ABCC5: variants seen among roughly 807,000 people sequenced by gnomAD.
ABCC5 encodes the protein ATP-binding cassette sub-family C member 5.
ABCC5 carries 61 observed loss-of-function variants against 160.9 expected under a neutral mutation model. The ratio of observed to expected loss-of-function variants is 0.38; its 90% CI spans 0.31 to 0.47. The LOEUF is 0.47. Ranked by LOEUF, ABCC5 falls within the 20% of genes least tolerant of loss-of-function variation. ABCC5 has a pLI of 0.99. For missense variants in ABCC5, 1,308 were observed against 1,813.3 expected, an observed-to-expected ratio of 0.72 and a Z score of 5.06; for synonymous variants, 666 against 700.6, an observed-to-expected ratio of 0.95 and a Z score of 0.78.
intron 2 of ABCC5, among the ~76,000 whole-genome samples, chr3:184,011,642 G>A (rs1012231616): frequency 6.6e-6 from 1 of 152,150 alleles, no homozygotes; most frequent in African/African-American, 2.4e-5. Flanking sequence ...AACTGGAAAT[G>A]ACCCATATGT....
Position 183,982,646 on chromosome 3 carries a change from GAGGGGACCCTGCA to G in ABCC5, c.826-35_826-23del. 6.2e-7 allele frequency: 1 copy of G among 1,613,296 alleles called. No homozygotes were observed. The highest frequency in any genetic ancestry group is 8.5e-7 in the Non-Finnish European group (1 of 1,179,402). On this transcript the variant is annotated intron_variant, in intron 6 of 29. Transcript: ENST00000334444. The surrounding 1 kb of genome is among the most constrained non-coding windows in gnomAD (Gnocchi z 5.2). ...TGAGCTATAAGATACAAAGAGTAGT[GAGGGGACCCTGCA>G]AGGACACGGTTCATTTGTCTCAGGA...
In ABCC5 at chr3:183,927,954, G is replaced by A. The variant is rs980836243; in HGVS notation, c.3934-511C>T. The A allele has an allele frequency of 3.9e-5, 15 of 382,558 alleles. No individual in the cohort carries two copies. In the East Asian group the frequency reaches 4.9e-4, roughly 12 times the overall value. 23.7% of individuals were successfully genotyped at this position (382,558 alleles called of 1,614,324 possible). On this transcript the variant is annotated intron_variant, in intron 27 of 29. Transcript: ENST00000334444. ...GGATCCTGGATCCTGACTCAACCCAGGCATAACAGAAGCCTCACCCTAGGC... is the reference window on the plus strand; with the variant it reads ...GGATCCTGGATCCTGACTCAACCCAAGCATAACAGAAGCCTCACCCTAGGC...
In ABCC5 at chr3:183,988,544, G is replaced by A. The variant is rs1168486700; in HGVS notation, c.443+28C>T. ...CAGGCCCTGCCCACCCGGCATGGGG[G>A]AGATGAGGGTGGACCAGAGGCGCCT... On this transcript the variant is annotated intron_variant, in intron 4 of 29. Coordinates refer to ENST00000334444, the MANE Select transcript of ABCC5 (RefSeq NM_005688.4). This position sits in a 1 kb window ranked among gnomAD's most constrained non-coding sequence, Gnocchi z 4.4. 3 of 1,595,474 alleles carry A rather than the reference G, an allele frequency of 1.9e-6. No individual in the cohort carries two copies. In the Admixed American group the frequency reaches 5.4e-5, roughly 28 times the overall value.
chr3:183,970,762 A>G (rs1189187911), intron 11 of ABCC5, among the ~76,000 whole-genome samples: 1 of 152,122 alleles, frequency 6.6e-6, no homozygotes, highest in Non-Finnish European at 1.5e-5. Flanking sequence ...CATAGCCCTT[A>G]TCACCATCTG....
In ABCC5 at chr3:183,927,441, A is replaced by T; in HGVS notation, c.3936T>A (p.Ile1312=). The T allele has an allele frequency of 6.2e-7, 1 of 1,611,666 alleles. No individual in the cohort carries two copies. The highest frequency in any genetic ancestry group is 8.5e-7 in the Non-Finnish European group (1 of 1,178,706). ...ALERTHMKEC[I]AQLPLKLESE... is the part of the protein sequence containing the mutation. ...ATTCAAGTTTCAGAGGTAGCTGAGCAATCTAGGGAGAAAGAAACTAGAGAT... is the reference window on the plus strand; with the variant it reads ...ATTCAAGTTTCAGAGGTAGCTGAGCTATCTAGGGAGAAAGAAACTAGAGAT... The change falls in exon 28 of 30, where the codon ATT becomes ATA. Residue 1312 remains isoleucine (I), a splice_region_variant and synonymous_variant. Coordinates refer to ENST00000334444, the MANE Select transcript of ABCC5 (RefSeq NM_005688.4).
intron 29 of ABCC5, among the ~76,000 whole-genome samples, chr3:183,922,361 G>A (rs1048720939): frequency 9.9e-5 from 15 of 152,082 alleles, no homozygotes; most frequent in East Asian, 1.9e-4. Flanking sequence ...CAACAAGAGC[G>A]AAACTCCGTC....
intron 17 of ABCC5, among the ~76,000 whole-genome samples, chr3:183,959,052 T>TACAC (rs59592606): frequency 0.079 from 11,683 of 147,958 alleles, 647 homozygotes; most frequent in African/African-American, 0.17. Flanking sequence ...ATCTATACAG[T>TACAC]ACACACACAC....
intron 25 of ABCC5, 43 bp from the exon 26 acceptor site, chr3:183,938,103 G>A (rs748215834): frequency 6.2e-7 from 1 of 1,600,960 alleles, no homozygotes; most frequent in Non-Finnish European, 8.5e-7. Context: ...TGTTAGCAAA[G>A]TCTGTGAGGA....
At chr3:183,996,000 G>C (rs1720252773) in intron 2 of ABCC5, among the ~76,000 whole-genome samples, 2 of 151,996 alleles carry the variant, frequency 1.3e-5, no homozygotes, top group Admixed American at 6.6e-5. Flanking sequence ...GTAGAGATGG[G>C]GTTTCACCGT....
chr3:183,953,337 G>A (rs1715559848), intron 17 of ABCC5, 67 bp from the exon 18 acceptor site: 2 of 1,444,364 alleles, frequency 1.4e-6, no homozygotes, highest in Non-Finnish European at 9.3e-7. Flanking sequence ...TAAGTCACCT[G>A]CAGAGCAACA....
chr3:183,960,075 C>A lies in ABCC5; in HGVS notation c.2380-240G>T, dbSNP rs557328715. ...AGTCACTAAACTCCAAACACAGTAA[C>A]CTTTATTCTGTTCTTGTCCATTCCA... On this transcript the variant is annotated intron_variant, in intron 16 of 29. Transcript: ENST00000334444. 4.0e-4 allele frequency among the ~76,000 whole-genome samples: 61 copies of A among 152,302 alleles called. No homozygotes were observed. The Middle Eastern group carries it at 0.017, about 42-fold the overall frequency.
rs116299934 is a variant in ABCC5, at chr3:183,946,247, T to C, written c.3415-308A>G. 7.7e-4 allele frequency among the ~76,000 whole-genome samples: 118 copies of C among 152,334 alleles called. 1 individual carries two copies. The highest frequency in any genetic ancestry group is 2.7e-3 in the African/African-American group (111 of 41,574). On this transcript the variant is annotated intron_variant, in intron 23 of 29. Coordinates refer to ENST00000334444, the MANE Select transcript of ABCC5 (RefSeq NM_005688.4). The stretch of plus-strand genomic sequence containing the variant: ...GATTCACTTCTGGACTTCCTACTTG[T>C]ATCTGAGCCTGTTTGTGGGAGTCAC...
Position 183,965,372 on chromosome 3 carries a change from C to T in ABCC5, c.1958+5G>A. On this transcript the variant is annotated splice_donor_5th_base_variant and intron_variant, in intron 13 of 29. Coordinates refer to ENST00000334444, the MANE Select transcript of ABCC5 (RefSeq NM_005688.4). ...AAAGCATGACAGAAGCCAAACATTCCTTGCCTTTCTTCATCATATTCCTTC... is the reference window on the plus strand; with the variant it reads ...AAAGCATGACAGAAGCCAAACATTCTTTGCCTTTCTTCATCATATTCCTTC... The T allele has an allele frequency of 1.2e-6, 2 of 1,614,188 alleles. No individual in the cohort carries two copies. Among genetic ancestry groups the T allele is most frequent in the Non-Finnish European group, 1.7e-6 (2 of 1,180,044 alleles).
intron 2 of ABCC5, among the ~76,000 whole-genome samples, chr3:184,002,584 C>T (rs62285811): frequency 6.6e-6 from 1 of 152,304 alleles, no homozygotes; most frequent in Admixed American, 6.5e-5. Context: ...GCGCTAACGC[C>T]ATCCTCAGGC....
intron 24 of ABCC5, 64 bp downstream of exon 24, chr3:183,945,786 C>T: frequency 7.5e-7 from 1 of 1,334,486 alleles, no homozygotes; most frequent in African/African-American, 1.4e-5. Flanking sequence ...CCAGCTGAGG[C>T]AGCAAAGGGT....
intron 1 of ABCC5, among the ~76,000 whole-genome samples, chr3:184,015,824 G>A (rs1722145691): frequency 6.6e-6 from 1 of 152,214 alleles, no homozygotes; most frequent in Non-Finnish European, 1.5e-5. Context: ...GCATCTGCCA[G>A]TGTCCCCAGT....
chr3:183,940,127 A>G, intron 25 of ABCC5, among the ~76,000 whole-genome samples: 1 of 152,168 alleles, frequency 6.6e-6, no homozygotes, highest in East Asian at 1.9e-4. Flanking sequence ...CTAATGCAAC[A>G]ATCCTCACAT....
chr3:183,948,042 A>G (rs1715012439), intron 22 of ABCC5, among the ~76,000 whole-genome samples: 1 of 152,176 alleles, frequency 6.6e-6, no homozygotes, highest in Non-Finnish European at 1.5e-5. Context: ...GCTAAACCAC[A>G]GCAAAAGGGA....
At chr3:184,006,129 G>A (rs1174221334) in intron 2 of ABCC5, among the ~76,000 whole-genome samples, 1 of 152,034 alleles carries the variant, frequency 6.6e-6, no homozygotes, top group Admixed American at 6.6e-5. Context: ...CCAAGCATGA[G>A]AGCCACCTGG....
Sources: allele counts gnomAD v4.1 joint callset (sites outside exome capture counted in the v4.1 genomes callset), GRCh38; gene constraint gnomAD v4.1.1; non-coding constraint Gnocchi (gnomAD v3.1); transcripts MANE v1.5; gene names NCBI Gene and HGNC (gene_info 2026-07-23, HGNC 2026-07-21).